The following RERE variants were observed in gnomAD, a reference collection of about 807,000 sequenced individuals.
The protein encoded by RERE is arginine-glutamic acid dipeptide repeats, also known as arginine-glutamic acid dipeptide repeats protein.
RERE carries 40 observed loss-of-function variants against 146.1 expected under a neutral mutation model. The observed-to-expected ratio is 0.27, with a 90% CI of 0.21 to 0.36. RERE has a LOEUF of 0.36. Among genes scored for constraint, RERE ranks in the 10% least tolerant of loss-of-function variants. RERE has a pLI of 1.00. For missense variants in RERE, 1,933 were observed against 2,138.7 expected, an observed-to-expected ratio of 0.90 and a Z score of 1.90; for synonymous variants, 1,003 against 866.0, an observed-to-expected ratio of 1.16 and a Z score of -2.78.
chr1:8,370,872 A>G (rs1382363599), intron 12 of RERE, among the ~76,000 whole-genome samples: 1 of 152,254 alleles, frequency 6.6e-6, no homozygotes, highest in Non-Finnish European at 1.5e-5. Context: ...GCAATCATTA[A>G]TCAAAAGGCA....
At chr1:8,527,877 C>T (rs1645589326) in intron 7 of RERE, among the ~76,000 whole-genome samples, 1 of 152,184 alleles carries the variant, frequency 6.6e-6, no homozygotes, top group Non-Finnish European at 1.5e-5. Flanking sequence ...CCCACACTAC[C>T]ACCATGCCAG....
At chr1:8,563,605 A>G (rs12410336) in intron 4 of RERE, among the ~76,000 whole-genome samples, 25,019 of 152,206 alleles carry the variant, frequency 0.16, 2,373 homozygotes, top group Middle Eastern at 0.29. Context: ...GATATTAGCA[A>G]ATAAATAACT....
rs58064164 is a variant in RERE at position 8,516,227 on chromosome 1, G to GAAAAAAAAAAAAAAAAAAAAAAAA, written c.831-7553_831-7552insTTTTTTTTTTTTTTTTTTTTTTTT. Among the ~76,000 whole-genome samples the GAAAAAAAAAAAAAAAAAAAAAAAA allele has an allele frequency of 4.0e-4, 21 of 52,304 alleles. 2 individuals are homozygous for GAAAAAAAAAAAAAAAAAAAAAAAA. Among genetic ancestry groups the GAAAAAAAAAAAAAAAAAAAAAAAA allele is most frequent in the Admixed American group, 9.0e-4 (3 of 3,340 alleles). The allele number at this position is 52,304 out of a possible 152,430, so 34.3% of individuals were successfully genotyped here. A position where few individuals can be genotyped will look rare whatever the true frequency, so the allele number is the denominator to read the frequency against. ...GGGACGGAGCAAGACTCTCTCAGAG[G>GAAAAAAAAAAAAAAAAAAAAAAAA]AAAAAAAAAAAAAAAAAAAAAATCT... is the stretch of plus-strand genomic sequence containing the variant. On this transcript the variant is annotated intron_variant, in intron 7 of 22. Coordinates refer to ENST00000400908, the MANE Select transcript of RERE (RefSeq NM_001042681.2).
chr1:8,530,622 TA>T (rs1175250851), intron 7 of RERE, among the ~76,000 whole-genome samples: 1 of 152,040 alleles, frequency 6.6e-6, no homozygotes, highest in Non-Finnish European at 1.5e-5. Flanking sequence ...GCAGTTTATT[TA>T]AATTTCATTT....
At chr1:8,515,536 CAGG>C (rs1163278301) in intron 7 of RERE, among the ~76,000 whole-genome samples, 3 of 151,992 alleles carry the variant, frequency 2.0e-5, no homozygotes, top group Non-Finnish European at 4.4e-5. Flanking sequence ...GAGGCTGAGG[CAGG>C]AGAATTGCTT....
At chr1:8,643,607 A>C (rs1383916255) in intron 2 of RERE, among the ~76,000 whole-genome samples, 2 of 152,268 alleles carry the variant, frequency 1.3e-5, no homozygotes, top group Non-Finnish European at 2.9e-5. Context: ...CAGTTACCCA[A>C]GAGTGGCTGC....
At chr1:8,609,221 A>G (rs1016612575) in intron 4 of RERE, among the ~76,000 whole-genome samples, 2 of 146,030 alleles carry the variant, frequency 1.4e-5, no homozygotes, top group African/African-American at 2.5e-5. Context: ...CTGTCTCCCA[A>G]AAAAAAAAAA....
At chr1:8,546,796 C>A in intron 6 of RERE, among the ~76,000 whole-genome samples, 1 of 147,538 alleles carries the variant, frequency 6.8e-6, no homozygotes, top group African/African-American at 2.5e-5. Flanking sequence ...TGCAGTGAGC[C>A]AAGATGGCGC....
intron 11 of RERE, among the ~76,000 whole-genome samples, chr1:8,432,407 C>T (rs78197715): frequency 0.036 from 5,388 of 151,726 alleles, 138 homozygotes; most frequent in African/African-American, 0.061. Context: ...GAGCACAGCA[C>T]GAGGCACTGA....
chr1:8,764,682 C>G (rs1309977874), intron 1 of RERE, among the ~76,000 whole-genome samples: 1 of 152,110 alleles, frequency 6.6e-6, no homozygotes, highest in Non-Finnish European at 1.5e-5. Flanking sequence ...TACTCAGGGA[C>G]GTAATTCACC....
intron 10 of RERE, among the ~76,000 whole-genome samples, chr1:8,471,440 G>A (rs2124148462): frequency 6.6e-6 from 1 of 151,572 alleles, no homozygotes; most frequent in South Asian, 2.1e-4. Flanking sequence ...AGCCGCCCAA[G>A]TACTAGGACA....
At chr1:8,784,270 G>A (rs1466904916) in intron 1 of RERE, among the ~76,000 whole-genome samples, 1 of 152,022 alleles carries the variant, frequency 6.6e-6, no homozygotes, top group Non-Finnish European at 1.5e-5. Flanking sequence ...CTCTCCATGA[G>A]GCCTATCCTG....
intron 1 of RERE, among the ~76,000 whole-genome samples, chr1:8,715,188 A>C (rs2124465246): frequency 6.6e-6 from 1 of 151,698 alleles, no homozygotes; most frequent in Admixed American, 6.5e-5. Flanking sequence ...ATTTGTTTTA[A>C]GCTATAACAA....
chr1:8,804,762 A>G (rs1641651918), intron 1 of RERE, among the ~76,000 whole-genome samples: 1 of 152,058 alleles, frequency 6.6e-6, no homozygotes, highest in African/African-American at 2.4e-5. Context: ...ACAAAAAGGA[A>G]AGAGTTACAT....
chr1:8,462,493 C>A (rs11121182), intron 11 of RERE, among the ~76,000 whole-genome samples: 25,401 of 152,224 alleles, frequency 0.17, 2,411 homozygotes, highest in Middle Eastern at 0.28. Flanking sequence ...CGAGTAGGGT[C>A]TGCACTGGCA....
chr1:8,564,808 G>T (rs901013283), intron 4 of RERE, among the ~76,000 whole-genome samples: 1 of 142,108 alleles, frequency 7.0e-6, no homozygotes, highest in Non-Finnish European at 1.6e-5. Flanking sequence ...TGGTGTGTGT[G>T]TATGTATGTG....
At chr1:8,520,764 A>AACAAAC (rs1557670091) in intron 7 of RERE, among the ~76,000 whole-genome samples, 9 of 150,196 alleles carry the variant, frequency 6.0e-5, no homozygotes, top group Non-Finnish European at 7.4e-5. Flanking sequence ...TAAAAAAAAA[A>AACAAAC]AAAAAAAAAA....
intron 1 of RERE, among the ~76,000 whole-genome samples, chr1:8,716,135 G>T (rs1039740426): frequency 7.4e-5 from 11 of 149,188 alleles, no homozygotes; most frequent in Admixed American, 5.3e-4. Context: ...ACAAAGTAAG[G>T]CCCCATCTCG....
At chr1:8,525,662 A>G in intron 7 of RERE, 1 of 1,280,574 alleles carries the variant, frequency 7.8e-7, no homozygotes, top group Non-Finnish European at 1.1e-6. Context: ...AGGAACATGC[A>G]CTATGAATGA....
Sources: allele counts gnomAD v4.1 joint callset (sites outside exome capture counted in the v4.1 genomes callset), GRCh38; gene constraint gnomAD v4.1.1; transcripts MANE v1.5; gene names NCBI Gene and HGNC (gene_info 2026-07-23, HGNC 2026-07-21).